The following ASXL1 variants were observed in gnomAD, a reference collection of about 807,000 sequenced individuals.
ASXL1 encodes polycomb group protein ASXL1.
In ASXL1, 65 loss-of-function variants were observed where a neutral mutation model predicts 89.1. The observed-to-expected ratio is 0.73, with a 90% CI of 0.60 to 0.90. ASXL1 has a LOEUF of 0.90. Ranked by LOEUF, ASXL1 falls within the 40% of genes least tolerant of loss-of-function variation. The pLI, the probability that ASXL1 is intolerant of heterozygous loss-of-function variation, is 0.00. For synonymous variants in ASXL1, 739 were observed against 746.9 expected, an observed-to-expected ratio of 0.99 and a Z score of 0.17; for missense variants, 1,786 against 1,942.9, an observed-to-expected ratio of 0.92 and a Z score of 1.52.
chr20:32,423,842 C>T (rs2011203430), intron 4 of ASXL1, among the ~76,000 whole-genome samples: 1 of 152,230 alleles, frequency 6.6e-6, no homozygotes. Context: ...AGCCACTGCA[C>T]CTGGCCAAGC....
chr20:32,389,687 G>C (rs1367067283), intron 4 of ASXL1, among the ~76,000 whole-genome samples: 1 of 152,162 alleles, frequency 6.6e-6, no homozygotes, highest in Non-Finnish European at 1.5e-5. Context: ...CTGGGTTCAA[G>C]CGATTCTCCT....
At chr20:32,412,135 TTGTC>T (rs1196184359) in intron 4 of ASXL1, among the ~76,000 whole-genome samples, 2 of 152,338 alleles carry the variant, frequency 1.3e-5, no homozygotes, top group East Asian at 1.9e-4. Context: ...GTTTCTCTCT[TTGTC>T]TGTCTATAGG....
intron 1 of ASXL1, chr20:32,359,038 C>G: frequency 1.6e-6 from 1 of 616,944 alleles, no homozygotes; most frequent in Non-Finnish European, 2.8e-6. Flanking sequence ...TCCGCTCGCC[C>G]TCGCGCCCCC....
chr20:32,388,066 C>A (rs980030551), intron 4 of ASXL1, among the ~76,000 whole-genome samples: 9 of 152,210 alleles, frequency 5.9e-5, no homozygotes, highest in Admixed American at 5.2e-4. Context: ...TCTCTGCCAC[C>A]AGAGTGGTTT....
At chr20:32,372,007 G>A in intron 4 of ASXL1, 1 of 835,172 alleles carries the variant, frequency 1.2e-6, no homozygotes, top group Middle Eastern at 2.8e-4. Flanking sequence ...GGTATATTCT[G>A]TTTTTAAAAG....
chr20:32,428,263 A>G lies in ASXL1; in HGVS notation c.373+15A>G. The G allele has an allele frequency of 6.2e-7, 1 of 1,614,182 alleles. No homozygotes were observed. Among genetic ancestry groups the G allele is most frequent in the Non-Finnish European group, 8.5e-7 (1 of 1,180,012 alleles). ...TGAAAACGATGGTAAGGACCCTTTA[A>G]TGGATGGGTGAGGGAGCCACAGCAG... On this transcript the variant is annotated intron_variant, in intron 5 of 12. Coordinates refer to ENST00000375687, the MANE Select transcript of ASXL1 (RefSeq NM_015338.6).
intron 1 of ASXL1, among the ~76,000 whole-genome samples, chr20:32,364,967 G>GGGACTTGGC (rs2048181701): frequency 1.3e-5 from 2 of 152,152 alleles, no homozygotes; most frequent in Non-Finnish European, 2.9e-5. Context: ...GACTGGTTTT[G>GGGACTTGGC]GGACTTGGCG....
At chr20:32,374,472 T>C (rs540140262) in intron 4 of ASXL1, among the ~76,000 whole-genome samples, 50 of 151,854 alleles carry the variant, frequency 3.3e-4, no homozygotes, top group African/African-American at 9.7e-4. Flanking sequence ...AAATTTTTTT[T>C]ATAGAGATGG....
intron 4 of ASXL1, among the ~76,000 whole-genome samples, chr20:32,386,819 G>A (rs1215964889): frequency 6.3e-5 from 7 of 111,258 alleles, no homozygotes; most frequent in East Asian, 2.5e-4. Context: ...ACCTCTCCCC[G>A]AAAGTTTTTA....
At position 32,397,623 on chromosome 20, in the gene ASXL1, C is replaced by T. The variant is rs6141303; in HGVS notation, c.252+28500C>T. On this transcript the variant is annotated intron_variant, in intron 4 of 12. Coordinates refer to ENST00000375687, the MANE Select transcript of ASXL1 (RefSeq NM_015338.6). Reference sequence around the variant, plus strand: ...CCATATTGGCCAGGCTGGTGAACTCCTGACCTCAAGTGATGCACCCACCTG... The same window carrying T: ...CCATATTGGCCAGGCTGGTGAACTCTTGACCTCAAGTGATGCACCCACCTG... Among the ~76,000 whole-genome samples, 766 of 152,108 alleles carry T rather than the reference C, an allele frequency of 5.0e-3. 38 individuals carry two copies. The East Asian group carries it at 0.13, about 26-fold the overall frequency.
At chr20:32,397,549 G>A (rs1464801128) in intron 4 of ASXL1, among the ~76,000 whole-genome samples, 4 of 151,600 alleles carry the variant, frequency 2.6e-5, no homozygotes, top group African/African-American at 4.8e-5. Flanking sequence ...ACAGGTGTGT[G>A]CCACCACTCC....
chr20:32,429,576 C>T lies in ASXL1; in HGVS notation c.565+145C>T. The stretch of plus-strand genomic sequence containing the variant: ...GAGCCCTGCCAATGGATGAGGCCTG[C>T]CATAGGTTCTAGTGCTGGGCTCTGC... On this transcript the variant is annotated intron_variant, in intron 7 of 12. Transcript: ENST00000375687. This position sits in a 1 kb window ranked among gnomAD's most constrained non-coding sequence, Gnocchi z 4.9. The T allele has an allele frequency of 1.1e-6, 1 of 890,540 alleles. No individual in the cohort carries two copies. Among genetic ancestry groups the T allele is most frequent in the Non-Finnish European group, 1.8e-6 (1 of 550,190 alleles). The allele number at this position is 890,540 out of a possible 1,614,324, so 55.2% of individuals were successfully genotyped here.
At chr20:32,430,150 A>T in intron 8 of ASXL1, 97 bp downstream of exon 8, 1 of 1,438,382 alleles carries the variant, frequency 7.0e-7, no homozygotes. Flanking sequence ...TTACCAGTTT[A>T]TTTTTACTTC....
intron 1 of ASXL1, 37 bp downstream of exon 1, chr20:32,358,869 G>T: frequency 6.8e-7 from 1 of 1,470,254 alleles, no homozygotes; most frequent in South Asian, 1.3e-5. Flanking sequence ...CGTGGGGCCC[G>T]GGGTGGGGGG....
At chr20:32,371,984 T>C in intron 4 of ASXL1, 1 of 519,810 alleles carries the variant, frequency 1.9e-6, no homozygotes, top group Non-Finnish European at 3.2e-6. Flanking sequence ...TTATTACAAA[T>C]ATGCCTGTTA....
Position 32,437,220 on chromosome 20 carries a change from C to T in ASXL1, c.4508C>T (p.Ser1503Leu). The T allele has an allele frequency of 1.2e-6, 2 of 1,613,632 alleles. No homozygotes were observed. Among genetic ancestry groups the T allele is most frequent in the South Asian group, 1.1e-5 (1 of 91,078 alleles). Residue 1503 changes from serine to leucine, a missense_variant, in exon 13 of 13, where the codon TCG becomes TTG. Ser to Leu is a moderately radical substitution (Grantham distance 145). Transcript: ENST00000375687. ...FTDSSTVESISLQCACSLKAM... is the reference protein window; with the variant it reads ...FTDSSTVESILLQCACSLKAM... ...GACAGCAGCACGGTGGAAAGCATCTCGCTCCAGTGTGCGTGCAGCCTGAAA... is the reference window on the plus strand; with the variant it reads ...GACAGCAGCACGGTGGAAAGCATCTTGCTCCAGTGTGCGTGCAGCCTGAAA...
intron 4 of ASXL1, among the ~76,000 whole-genome samples, chr20:32,370,573 C>T (rs1229415159): frequency 6.6e-6 from 1 of 152,194 alleles, no homozygotes; most frequent in Admixed American, 6.5e-5. Flanking sequence ...CCCTTTCGTT[C>T]TTCCATAGTG....
At chr20:32,403,789 T>C (rs1006226967) in intron 4 of ASXL1, among the ~76,000 whole-genome samples, 2 of 152,170 alleles carry the variant, frequency 1.3e-5, no homozygotes, top group African/African-American at 4.8e-5. Context: ...ATTAAACCCA[T>C]TGGTTAGTTT....
intron 4 of ASXL1, among the ~76,000 whole-genome samples, chr20:32,395,932 G>A (rs1306153708): frequency 6.6e-6 from 1 of 152,036 alleles, no homozygotes; most frequent in Non-Finnish European, 1.5e-5. Flanking sequence ...CCAAGTAGCT[G>A]TGATTACAGG....
Sources: allele counts gnomAD v4.1 joint callset (sites outside exome capture counted in the v4.1 genomes callset), GRCh38; gene constraint gnomAD v4.1.1; non-coding constraint Gnocchi (gnomAD v3.1); transcripts MANE v1.5; gene names NCBI Gene and HGNC (gene_info 2026-07-23, HGNC 2026-07-21).